Variants in ALKBH8 observed in about 807,000 individuals in gnomAD.
The protein encoded by ALKBH8 is tRNA (carboxymethyluridine(34)-5-O)-methyltransferase ALKBH8.
Under a neutral mutation model 59.8 loss-of-function variants are expected in ALKBH8, and 36 were observed. That is an observed-to-expected ratio of 0.60 (90% CI 0.46 to 0.79). ALKBH8 has a LOEUF of 0.79. ALKBH8 is among the 30% of genes least tolerant of loss of function. The probability of loss-of-function intolerance (pLI) is 0.00; values close to 1 mark genes in which losing one functional copy is unlikely to be tolerated. For synonymous variants in ALKBH8, 276 were observed against 273.6 expected (o/e 1.01, Z -0.09); for missense variants, 768 against 801.0 (o/e 0.96, Z 0.50).
chr11:107,543,030 G>A (rs748615130), intron 7 of ALKBH8, among the ~76,000 whole-genome samples: 17 of 152,208 alleles, frequency 1.1e-4, no homozygotes, highest in Non-Finnish European at 2.5e-4. Flanking sequence ...AGTGGACGGT[G>A]AATCGCTGAA....
chr11:107,522,615 G>A lies in ALKBH8; in HGVS notation c.1031-60C>T. 4 of 1,457,166 alleles carry A rather than the reference G, an allele frequency of 2.7e-6. No homozygotes were observed. In the South Asian group the frequency reaches 4.2e-5, roughly 15 times the overall value. The allele number at this position is 1,457,166 out of a possible 1,614,324, so 90.3% of individuals were successfully genotyped here. On this transcript the variant is annotated intron_variant, in intron 9 of 11. Coordinates refer to ENST00000428149, the MANE Select transcript of ALKBH8 (RefSeq NM_138775.3). The stretch of plus-strand genomic sequence containing the variant: ...ATCAGAATAACTCATAAGGTATCAA[G>A]TTTTCTTAAATGAAAAAAAAAAATC...
intron 9 of ALKBH8, 28 bp from the exon 10 acceptor site, chr11:107,522,583 C>T: frequency 6.5e-7 from 1 of 1,534,652 alleles, no homozygotes. Flanking sequence ...ACACACCTTT[C>T]CTTTTTATCA....
rs199545574 is a variant in ALKBH8 at position 107,556,950 on chromosome 11, C to T, written c.183G>A (p.Leu61=). The T allele has an allele frequency of 1.9e-6, 3 of 1,610,812 alleles. No homozygotes were observed. Among genetic ancestry groups the T allele is most frequent in the Middle Eastern group, 1.7e-4 (1 of 6,048 alleles). ...GTCCACATTTCTCTAAAACCGGGAGCAGCTGGTTCCGACTCACACCATTAC... is the reference window on the plus strand; with the variant it reads ...GTCCACATTTCTCTAAAACCGGGAGTAGCTGGTTCCGACTCACACCATTAC... ...GLGNGVSRNQ[L]LPVLEKCGLV... The change falls in exon 3 of 12, where the codon CTG becomes CTA. Residue 61 remains leucine (L), a synonymous_variant. Coordinates refer to ENST00000428149, the MANE Select transcript of ALKBH8 (RefSeq NM_138775.3).
At chr11:107,531,791 TG>T (rs1369276590) in intron 8 of ALKBH8, among the ~76,000 whole-genome samples, 1 of 152,236 alleles carries the variant, frequency 6.6e-6, no homozygotes, top group Non-Finnish European at 1.5e-5. Context: ...TATTCTTCAT[TG>T]TTTTTTTGTC....
At chr11:107,506,778 A>G (rs181973379) in intron 11 of ALKBH8, among the ~76,000 whole-genome samples, 3 of 152,330 alleles carry the variant, frequency 2.0e-5, no homozygotes, top group Non-Finnish European at 2.9e-5. Context: ...ATGTGTCACT[A>G]AAGAAAACAG....
chr11:107,550,761 G>A (rs1293022419), intron 6 of ALKBH8, among the ~76,000 whole-genome samples: 3 of 152,138 alleles, frequency 2.0e-5, no homozygotes, highest in African/African-American at 4.8e-5. Context: ...TCATAAGTGT[G>A]GGGCCCTAAT....
chr11:107,565,475 G>T, intron 1 of ALKBH8, 126 bp downstream of exon 1: 1 of 1,394,662 alleles, frequency 7.2e-7, no homozygotes, highest in Non-Finnish European at 9.7e-7. Context: ...GCGCCTCTGG[G>T]ATCCATCCCC....
At chr11:107,519,936 T>C (rs1019368312) in intron 10 of ALKBH8, among the ~76,000 whole-genome samples, 1 of 152,202 alleles carries the variant, frequency 6.6e-6, no homozygotes, top group Admixed American at 6.5e-5. Flanking sequence ...AATGAAATGA[T>C]CTATACTAAA....
chr11:107,543,775 T>C (rs1289254408), intron 7 of ALKBH8, among the ~76,000 whole-genome samples: 1 of 152,164 alleles, frequency 6.6e-6, no homozygotes, highest in African/African-American at 2.4e-5. Context: ...AAAAATAAAT[T>C]TAATGTTCCA....
chr11:107,553,479 GA>G, intron 4 of ALKBH8, among the ~76,000 whole-genome samples: 1 of 152,080 alleles, frequency 6.6e-6, no homozygotes, highest in Admixed American at 6.5e-5. Flanking sequence ...GAAAGAGTCA[GA>G]AAAACTCCAA....
At position 107,532,303 on chromosome 11, in the gene ALKBH8, T is replaced by C. The variant is rs747030328; in HGVS notation, c.875A>G (p.His292Arg). The C allele has an allele frequency of 2.4e-5, 39 of 1,611,510 alleles. 2 individuals are homozygous for C. The South Asian group carries it at 2.5e-4, about 10-fold the overall frequency. Residue 292 changes from histidine to arginine, a missense_variant, in exon 8 of 12, where the codon CAT (histidine) becomes CGT (arginine). His to Arg is a conservative substitution (Grantham distance 29). Coordinates refer to ENST00000428149, the MANE Select transcript of ALKBH8 (RefSeq NM_138775.3). ...MTGESRYLWT[H>R]GITCRKFDTV... ...CCTGTCATATTTCAATACATACCCA[T>C]GGGTCCAAAGGTATCTAGATTCTCC...
intron 7 of ALKBH8, among the ~76,000 whole-genome samples, chr11:107,546,471 C>T (rs532668994): frequency 6.6e-6 from 1 of 152,146 alleles, no homozygotes; most frequent in East Asian, 1.9e-4. Context: ...TCATATAACC[C>T]GATGCAGCCT....
rs762614288 is a variant in ALKBH8, at chr11:107,557,018, A to C, written c.130-15T>G. ...ACAACCAGGCTCTTAAAAAACAAAC[A>C]AACAAACAAAAAGAAAGTAACATGA... On this transcript the variant is annotated splice_polypyrimidine_tract_variant and intron_variant, in intron 2 of 11. Transcript: ENST00000428149. 1.3e-6 allele frequency: 2 copies of C among 1,516,334 alleles called. No individual in the cohort carries two copies. Among genetic ancestry groups the C allele is most frequent in the South Asian group, 1.3e-5 (1 of 74,604 alleles). 93.9% of individuals were successfully genotyped at this position (1,516,334 alleles called of 1,614,324 possible).
At chr11:107,529,259 TG>T (rs1390754888) in intron 8 of ALKBH8, among the ~76,000 whole-genome samples, 1 of 152,174 alleles carries the variant, frequency 6.6e-6, no homozygotes, top group African/African-American at 2.4e-5. Flanking sequence ...AGTTAATATA[TG>T]TAAAGTTTTT....
In ALKBH8 at chr11:107,556,846, G is replaced by A; in HGVS notation, c.287C>T (p.Ala96Val). 2 of 1,579,452 alleles carry A rather than the reference G, an allele frequency of 1.3e-6. No homozygotes were observed. The highest frequency in any genetic ancestry group is 1.7e-6 in the Non-Finnish European group (2 of 1,163,484). The change falls in exon 3 of 12, where the codon GCC becomes GTC. Residue 96 changes from alanine (A) to valine (V), a missense_variant. Transcript: ENST00000428149. ...RYRTTEESKRAYVTLNGKEVV... is the reference protein window; with the variant it reads ...RYRTTEESKRVYVTLNGKEVV... Reference sequence around the variant, plus strand: ...TTCTTTTCCATTGAGGGTAACATAGGCTCTCTTAGATTCTTCTGTAGTTCT... The same window carrying A: ...TTCTTTTCCATTGAGGGTAACATAGACTCTCTTAGATTCTTCTGTAGTTCT...
chr11:107,558,752 TTTTA>T (rs1186593706), intron 2 of ALKBH8, among the ~76,000 whole-genome samples: 1 of 152,206 alleles, frequency 6.6e-6, no homozygotes, highest in South Asian at 2.1e-4. Context: ...GGAACTATTA[TTTTA>T]TTTATAATTG....
chr11:107,554,613 T>C (rs1864629963), intron 3 of ALKBH8, among the ~76,000 whole-genome samples: 1 of 152,236 alleles, frequency 6.6e-6, no homozygotes, highest in Non-Finnish European at 1.5e-5. Flanking sequence ...GTTATACACA[T>C]GATCTCTGAA....
At chr11:107,548,553 G>A (rs764667804) in intron 7 of ALKBH8, among the ~76,000 whole-genome samples, 48 of 152,090 alleles carry the variant, frequency 3.2e-4, no homozygotes, top group Non-Finnish European at 5.2e-4. Flanking sequence ...TTTCCTCCCC[G>A]ATCTCATTAT....
chr11:107,534,861 G>C (rs200150516), intron 7 of ALKBH8, among the ~76,000 whole-genome samples: 2 of 151,390 alleles, frequency 1.3e-5, no homozygotes, highest in Non-Finnish European at 2.9e-5. Flanking sequence ...CCCATCACCC[G>C]AGCAGTGTAC....
Sources: gnomAD v4.1 joint callset for allele counts (sites outside exome capture counted in the v4.1 genomes callset) on GRCh38, gnomAD v4.1.1 for gene constraint, MANE v1.5 for transcripts, NCBI Gene and HGNC (gene_info 2026-07-23, HGNC 2026-07-21) for gene names.